EYS: variants seen among roughly 807,000 people sequenced by gnomAD.
EYS encodes EGF-like photoreceptor maintenance factor.
EYS carries 250 observed loss-of-function variants against 282.1 expected under a neutral mutation model. That is an observed-to-expected ratio of 0.89 (90% CI 0.80 to 0.98). The LOEUF is 0.98. EYS is among the 50% of genes least tolerant of loss of function. The probability of loss-of-function intolerance (pLI) is 0.00; values close to 1 mark genes in which losing one functional copy is unlikely to be tolerated. For synonymous variants in EYS, 1,355 were observed against 1,282.9 expected, an observed-to-expected ratio of 1.06 and a Z score of -1.20; for missense variants, 4,016 against 3,709.0, an observed-to-expected ratio of 1.08 and a Z score of -2.15.
intron 21 of EYS, among the ~76,000 whole-genome samples, chr6:64,814,850 A>C (rs1764702160): frequency 6.6e-6 from 1 of 152,026 alleles, no homozygotes; most frequent in Non-Finnish European, 1.5e-5. Flanking sequence ...TGCAAACATA[A>C]AATACTTCTT....
intron 2 of EYS, among the ~76,000 whole-genome samples, chr6:65,599,569 A>G (rs190784067): frequency 2.6e-4 from 39 of 152,220 alleles, no homozygotes; most frequent in African/African-American, 7.0e-4. Flanking sequence ...GGTTTAAAAG[A>G]ACAGCTCTTA....
At chr6:65,204,253 C>T (rs1765972809) in intron 12 of EYS, among the ~76,000 whole-genome samples, 1 of 151,820 alleles carries the variant, frequency 6.6e-6, no homozygotes, top group Non-Finnish European at 1.5e-5. Flanking sequence ...CCAAGGCATA[C>T]AGTCATAAGA....
intron 12 of EYS, among the ~76,000 whole-genome samples, chr6:65,088,898 C>CA (rs1774465580): frequency 6.6e-6 from 1 of 151,964 alleles, no homozygotes; most frequent in African/African-American, 2.4e-5. Flanking sequence ...CCAGCTATGG[C>CA]AAAAAAGGGC....
At chr6:65,621,092 A>T (rs1276065278) in intron 2 of EYS, among the ~76,000 whole-genome samples, 1 of 152,036 alleles carries the variant, frequency 6.6e-6, no homozygotes, top group Non-Finnish European at 1.5e-5. Flanking sequence ...AGCTGAGTTC[A>T]ATTCCTGGGT....
chr6:65,301,548 C>T (rs1340495030), intron 11 of EYS, among the ~76,000 whole-genome samples: 2 of 152,342 alleles, frequency 1.3e-5, no homozygotes, highest in East Asian at 3.9e-4. Flanking sequence ...AGAAGAAAGA[C>T]GTGGCAGCAA....
At chr6:65,344,648 A>T (rs1770327190) in intron 9 of EYS, among the ~76,000 whole-genome samples, 1 of 151,624 alleles carries the variant, frequency 6.6e-6, no homozygotes, top group Non-Finnish European at 1.5e-5. Flanking sequence ...CTTTAAAATG[A>T]TTATATTAAA....
At chr6:64,236,323 A>G (rs963897555) in intron 30 of EYS, among the ~76,000 whole-genome samples, 3 of 152,098 alleles carry the variant, frequency 2.0e-5, no homozygotes, top group African/African-American at 7.2e-5. Context: ...TTATTTATCT[A>G]TTCATTAGTT....
intron 26 of EYS, among the ~76,000 whole-genome samples, chr6:64,573,644 C>T (rs1765792720): frequency 6.6e-6 from 1 of 151,856 alleles, no homozygotes; most frequent in Non-Finnish European, 1.5e-5. Flanking sequence ...CAAAAGAAGA[C>T]ATTTATGCAG....
At chr6:63,883,714 TTTTGGGGGAA>T in intron 35 of EYS, among the ~76,000 whole-genome samples, 1 of 152,338 alleles carries the variant, frequency 6.6e-6, no homozygotes. Context: ...TAACCTCTGC[TTTTGGGGGAA>T]TTCGAAGCTA....
At chr6:64,137,166 CAG>C (rs1774189076) in intron 31 of EYS, among the ~76,000 whole-genome samples, 1 of 152,170 alleles carries the variant, frequency 6.6e-6, no homozygotes, top group African/African-American at 2.4e-5. Context: ...CTGCTGGCTT[CAG>C]ACTTTTCTTC....
chr6:64,330,039 C>T (rs1327136703), intron 29 of EYS, among the ~76,000 whole-genome samples: 1 of 152,126 alleles, frequency 6.6e-6, no homozygotes, highest in African/African-American at 2.4e-5. Flanking sequence ...AGCACTAGCC[C>T]AGACCTGAAG....
chr6:65,121,645 T>A (rs934677926), intron 12 of EYS, among the ~76,000 whole-genome samples: 4 of 152,182 alleles, frequency 2.6e-5, no homozygotes, highest in Non-Finnish European at 5.9e-5. Context: ...CTCTGGAGCA[T>A]GTTTACTTTA....
At chr6:65,427,078 A>C (rs571952931) in intron 5 of EYS, among the ~76,000 whole-genome samples, 3 of 152,138 alleles carry the variant, frequency 2.0e-5, no homozygotes, top group African/African-American at 7.2e-5. Context: ...ACCTTAAATA[A>C]AATTTGTAAA....
intron 31 of EYS, among the ~76,000 whole-genome samples, chr6:64,224,086 A>G (rs537323753): frequency 6.6e-6 from 1 of 152,230 alleles, no homozygotes; most frequent in African/African-American, 2.4e-5. Context: ...CTATAATCAC[A>G]TTTTATACCA....
chr6:63,750,318 G>A (rs538407325), intron 41 of EYS, among the ~76,000 whole-genome samples: 1 of 152,118 alleles, frequency 6.6e-6, no homozygotes, highest in South Asian at 2.1e-4. Context: ...CTGTTTCTTT[G>A]TATGCCTTGT....
At chr6:64,650,156 C>T (rs540354431) in intron 22 of EYS, among the ~76,000 whole-genome samples, 5 of 152,040 alleles carry the variant, frequency 3.3e-5, no homozygotes, top group African/African-American at 1.2e-4. Flanking sequence ...TATAGCCATG[C>T]AAATACTACA....
Position 65,377,065 on chromosome 6 carries a change from A to T in EYS, c.1299+7321T>A, listed in dbSNP as rs182970400. 6.5e-3 allele frequency among the ~76,000 whole-genome samples: 993 copies of T among 152,316 alleles called. 9 individuals carry two copies. The highest frequency in any genetic ancestry group is 0.02 in the South Asian group (98 of 4,824). On this transcript the variant is annotated intron_variant, in intron 8 of 42. Coordinates refer to ENST00000503581, the MANE Select transcript of EYS (RefSeq NM_001142800.2). ...GAACTGTCCACATCAAATCAACAGAATATACATTTTTATCAGCATCACATA... is the reference window on the plus strand; with the variant it reads ...GAACTGTCCACATCAAATCAACAGATTATACATTTTTATCAGCATCACATA...
intron 35 of EYS, among the ~76,000 whole-genome samples, chr6:63,950,888 C>A (rs1340916157): frequency 6.6e-6 from 1 of 152,084 alleles, no homozygotes; most frequent in Non-Finnish European, 1.5e-5. Flanking sequence ...TGTGTTTTAT[C>A]CGTGAACCCA....
At chr6:64,509,701 G>A (rs1777323723) in intron 26 of EYS, among the ~76,000 whole-genome samples, 2 of 152,088 alleles carry the variant, frequency 1.3e-5, no homozygotes, top group African/African-American at 4.8e-5. Context: ...TTTCTTAGGA[G>A]CAACTCTCTA....
Sources: allele counts gnomAD v4.1 joint callset (sites outside exome capture counted in the v4.1 genomes callset), GRCh38; gene constraint gnomAD v4.1.1; transcripts MANE v1.5; gene names NCBI Gene and HGNC (gene_info 2026-07-23, HGNC 2026-07-21).